ERC2: variants seen among roughly 807,000 people sequenced by gnomAD.
The protein encoded by ERC2 is ELKS/RAB6-interacting/CAST family member 2.
A neutral mutation model predicts 114.8 loss-of-function variants in ERC2; 42 were observed. That is an observed-to-expected ratio of 0.37 (90% CI 0.29 to 0.47). The LOEUF is 0.47. ERC2 is among the 20% of genes least tolerant of loss of function. The pLI, the probability that ERC2 is intolerant of heterozygous loss-of-function variation, is 0.99. For synonymous variants in ERC2, 454 were observed against 425.5 expected (o/e 1.07, Z -0.82); for missense variants, 939 against 1,150.7 (o/e 0.82, Z 2.66).
chr3:55,657,648 G>C (rs1178851452), intron 17 of ERC2: 2 of 152,050 alleles, frequency 1.3e-5, no homozygotes, highest in South Asian at 2.1e-4. Context: ...AAAATAGAGA[G>C]AGGATTTTGC....
intron 3 of ERC2, among the ~76,000 whole-genome samples, chr3:56,228,686 T>C (rs1362163095): frequency 3.9e-5 from 6 of 152,234 alleles, no homozygotes; most frequent in Non-Finnish European, 8.8e-5. Context: ...TCTGAGTTTC[T>C]GCTTTCAGTT....
At chr3:56,150,056 C>A (rs2081339765) in intron 4 of ERC2, among the ~76,000 whole-genome samples, 1 of 152,144 alleles carries the variant, frequency 6.6e-6, no homozygotes, top group Admixed American at 6.6e-5. Flanking sequence ...ACATCGAAAA[C>A]TGACTTCAAG....
intron 7 of ERC2, among the ~76,000 whole-genome samples, chr3:56,031,101 A>G (rs2074354082): frequency 6.6e-6 from 1 of 152,112 alleles, no homozygotes; most frequent in African/African-American, 2.4e-5. Flanking sequence ...TGGCCTCCAA[A>G]TACTCAAGAC....
In ERC2 at chr3:56,010,495, A is replaced by G; in HGVS notation, c.1874T>C (p.Leu625Pro). The G allele has an allele frequency of 6.2e-7, 1 of 1,613,618 alleles. No homozygotes were observed. Among genetic ancestry groups the G allele is most frequent in the Non-Finnish European group, 8.5e-7 (1 of 1,179,702 alleles). Residue 625 changes from leucine (L) to proline (P), a missense_variant, in exon 9 of 18, where the codon CTG (leucine) becomes CCG (proline). By Grantham distance (98) the Leu-to-Pro change is moderately conservative. This residue lies in a region of ERC2 where 149 missense variants were observed against 254.6 expected (regional missense o/e 0.59). Coordinates refer to ENST00000288221, the MANE Select transcript of ERC2 (RefSeq NM_015576.3). ...CTGTAAAGCATTGACCTTCTCTTTC[A>G]GGTCTTTGTTCTCTTTTCGGAAGGA... ...IESFRKENKD[L>P]KEKVNALQAE...
rs371662741 is a variant in ERC2, at chr3:55,951,643, G to A, written c.2268-1083C>T. Among the ~76,000 whole-genome samples the A allele has an allele frequency of 7.2e-5, 11 of 152,144 alleles. No individual in the cohort carries two copies. The East Asian group carries it at 1.4e-3, about 19-fold the overall frequency. ...GGTAGGAGGGCAGTACGGAGGGCTC[G>A]GGAGCATTGACACAAGAGGAGGGAC... On this transcript the variant is annotated intron_variant, in intron 12 of 17. Transcript: ENST00000288221.
chr3:56,404,187 C>T (rs2060624547), intron 2 of ERC2, among the ~76,000 whole-genome samples: 1 of 152,208 alleles, frequency 6.6e-6, no homozygotes, highest in Non-Finnish European at 1.5e-5. Context: ...AGACCTATGA[C>T]AACATCTGTA....
intron 17 of ERC2, among the ~76,000 whole-genome samples, chr3:55,630,384 G>A (rs2059702069): frequency 1.3e-5 from 2 of 152,046 alleles, no homozygotes; most frequent in South Asian, 4.2e-4. Context: ...GGTCAGGCTG[G>A]TCTCGAACTC....
At chr3:56,218,883 G>T (rs541962753) in intron 3 of ERC2, among the ~76,000 whole-genome samples, 1 of 151,970 alleles carries the variant, frequency 6.6e-6, no homozygotes, top group Non-Finnish European at 1.5e-5. Flanking sequence ...GCAAACTATC[G>T]CAAGGACAAA....
chr3:56,193,946 C>A (rs1200455147), intron 3 of ERC2, among the ~76,000 whole-genome samples: 1 of 152,150 alleles, frequency 6.6e-6, no homozygotes, highest in African/African-American at 2.4e-5. Flanking sequence ...GTGAGTTAGA[C>A]AGGGCTACCA....
At chr3:56,059,597 C>T (rs1278087622) in intron 7 of ERC2, among the ~76,000 whole-genome samples, 1 of 152,144 alleles carries the variant, frequency 6.6e-6, no homozygotes, top group Non-Finnish European at 1.5e-5. Flanking sequence ...CAGAAGTCCT[C>T]TCTAAACAAT....
chr3:56,356,483 T>C (rs2058748157), intron 2 of ERC2, among the ~76,000 whole-genome samples: 1 of 152,208 alleles, frequency 6.6e-6, no homozygotes, highest in Non-Finnish European at 1.5e-5. Context: ...GGCATCTGAC[T>C]ATACCCTGTC....
At chr3:55,780,949 G>T (rs747718827) in intron 14 of ERC2, among the ~76,000 whole-genome samples, 4 of 152,318 alleles carry the variant, frequency 2.6e-5, no homozygotes, top group Non-Finnish European at 2.9e-5. Flanking sequence ...CCACATCACT[G>T]TTTATTAAAA....
In ERC2 at chr3:56,200,315, T is replaced by TC. The variant is rs560257821; in HGVS notation, c.1075-26796dup. Among the ~76,000 whole-genome samples the TC allele has an allele frequency of 9.2e-4, 138 of 149,300 alleles. No homozygotes were observed. In the East Asian group the frequency reaches 0.025, roughly 28 times the overall value. On this transcript the variant is annotated intron_variant, in intron 3 of 17. Coordinates refer to ENST00000288221, the MANE Select transcript of ERC2 (RefSeq NM_015576.3). ...TCCAGGACTATTCTCTTCACTTTTTTCCCACACAGTTTGCCTACTCAAATA... is the reference window on the plus strand; with the variant it reads ...TCCAGGACTATTCTCTTCACTTTTTTCCCCACACAGTTTGCCTACTCAAATA...
chr3:55,955,100 C>T, intron 12 of ERC2: 1 of 503,372 alleles, frequency 2.0e-6, no homozygotes, highest in South Asian at 1.5e-5. Flanking sequence ...AATAGGAATG[C>T]CTATTTGGAT....
At chr3:56,330,538 A>G (rs2057562865) in intron 2 of ERC2, among the ~76,000 whole-genome samples, 1 of 152,194 alleles carries the variant, frequency 6.6e-6, no homozygotes, top group Admixed American at 6.5e-5. Context: ...CCTATAGATT[A>G]GAAAGAGTTT....
In ERC2 at chr3:55,887,454, TTTCAAAG is replaced by T. The variant is rs542120348; in HGVS notation, c.2564+928_2564+934del. On this transcript the variant is annotated intron_variant, in intron 14 of 17. Coordinates refer to ENST00000288221, the MANE Select transcript of ERC2 (RefSeq NM_015576.3). ...GGTCACTTCCATACCTAGCCACCAATTTCAAAGTCTGTGTTATAGGCTTAAGATGCCG... is the reference window on the plus strand; with the variant it reads ...GGTCACTTCCATACCTAGCCACCAATTCTGTGTTATAGGCTTAAGATGCCG... Among the ~76,000 whole-genome samples, 1,511 of 152,268 alleles carry T rather than the reference TTTCAAAG, an allele frequency of 9.9e-3. 35 individuals carry two copies. Among genetic ancestry groups the T allele is most frequent in the African/African-American group, 0.034 (1,429 of 41,558 alleles).
intron 3 of ERC2, among the ~76,000 whole-genome samples, chr3:56,218,402 C>T (rs2049649290): frequency 1.3e-5 from 2 of 152,236 alleles, no homozygotes; most frequent in Admixed American, 1.3e-4. Context: ...CTCATCATCA[C>T]TGGCCATCAG....
intron 2 of ERC2, among the ~76,000 whole-genome samples, chr3:56,334,115 T>C (rs972340542): frequency 5.9e-5 from 9 of 152,228 alleles, no homozygotes; most frequent in Non-Finnish European, 1.0e-4. Flanking sequence ...AATGGTCTTA[T>C]ACCCTTCTAG....
chr3:55,688,062 G>C (rs1247144682), intron 16 of ERC2, among the ~76,000 whole-genome samples: 1 of 152,164 alleles, frequency 6.6e-6, no homozygotes, highest in Non-Finnish European at 1.5e-5. Context: ...GATGGGGTCA[G>C]GTATGGCTAT....
Sources: allele counts gnomAD v4.1 joint callset (sites outside exome capture counted in the v4.1 genomes callset), GRCh38; gene constraint gnomAD v4.1.1; regional missense constraint gnomAD v4.1.1; transcripts MANE v1.5; gene names NCBI Gene and HGNC (gene_info 2026-07-23, HGNC 2026-07-21).